Variants in ITPRID1 observed in about 807,000 individuals in gnomAD.
The protein encoded by ITPRID1 is protein ITPRID1.
Under a neutral mutation model 95.4 loss-of-function variants are expected in ITPRID1, and 96 were observed. That is an observed-to-expected ratio of 1.01 (90% confidence interval 0.85 to 1.19). The LOEUF is 1.19. Ranked by LOEUF, ITPRID1 falls within the 50% of genes most tolerant of loss-of-function variation. ITPRID1 has a pLI of 0.00. For missense variants in ITPRID1, 1,339 were observed against 1,252.9 expected (o/e 1.07, Z -1.04); for synonymous variants, 510 against 453.6 (o/e 1.12, Z -1.58).
At chr7:31,555,168 A>G (rs138177997) in intron 5 of ITPRID1, 7 of 321,708 alleles carry the variant, frequency 2.2e-5, no homozygotes, top group East Asian at 1.5e-4. Flanking sequence ...ACTGGGTTCT[A>G]TGAAGACATT....
intron 10 of ITPRID1, among the ~76,000 whole-genome samples, chr7:31,637,250 C>A (rs1233237340): frequency 2.0e-5 from 3 of 152,012 alleles, no homozygotes; most frequent in South Asian, 2.1e-4. Flanking sequence ...GGGTGTATAC[C>A]CAGTAATGGG....
chr7:31,617,860 G>T (rs1271912992), intron 10 of ITPRID1, among the ~76,000 whole-genome samples: 1 of 152,204 alleles, frequency 6.6e-6, no homozygotes, highest in Non-Finnish European at 1.5e-5. Context: ...CTATTAAGAA[G>T]AGAGTTACTT....
At position 31,643,669 on chromosome 7, in the gene ITPRID1, C is replaced by G. The variant is rs1790219137; in HGVS notation, c.2299C>G (p.Leu767Val). 1 of 1,613,930 alleles carries G rather than the reference C, an allele frequency of 6.2e-7. No individual in the cohort carries two copies. The highest frequency in any genetic ancestry group is 1.3e-5 in the African/African-American group (1 of 74,944). The change falls in exon 12 of 15, where the codon CTA (leucine) becomes GTA (valine). Residue 767 changes from leucine (L) to valine (V), a missense_variant. Physicochemically the swap from Leu to Val is conservative, Grantham distance 32 (BLOSUM62 1). Transcript: ENST00000615280. ...LNDASIQTSA[L>V]SNKTLTHGPQ... ...TGATGCTTCCATTCAGACTTCAGCT[C>G]TAAGCAACAAGACCTTGACACATGG...
At chr7:31,623,138 G>C (rs570453612) in intron 10 of ITPRID1, among the ~76,000 whole-genome samples, 19 of 152,216 alleles carry the variant, frequency 1.2e-4, no homozygotes, top group Non-Finnish European at 2.4e-4. Flanking sequence ...AAAGAGTCCA[G>C]GACCAGATGG....
In ITPRID1 at chr7:31,553,256, G is replaced by T. The variant is rs141026905; in HGVS notation, c.163+69G>T. ...GTGGTGAGGGATGTGGGAGCTTTTG[G>T]CCAGGGGCAGGTGATTTTGGAACAA... On this transcript the variant is annotated intron_variant, in intron 3 of 14. Transcript: ENST00000615280. The T allele has an allele frequency of 4.4e-4, 622 of 1,415,180 alleles. 1 individual carries two copies. In the African/African-American group the frequency reaches 7.8e-3, roughly 18 times the overall value. The allele number at this position is 1,415,180 out of a possible 1,614,324, so 87.7% of individuals were successfully genotyped here.
At chr7:31,586,738 T>C (rs1785629195) in intron 10 of ITPRID1, among the ~76,000 whole-genome samples, 2 of 152,096 alleles carry the variant, frequency 1.3e-5, no homozygotes, top group Admixed American at 6.5e-5. Flanking sequence ...TTCTGGATAT[T>C]AGCCCTTTGT....
chr7:31,594,819 T>C (rs1786012346), intron 10 of ITPRID1, among the ~76,000 whole-genome samples: 1 of 151,274 alleles, frequency 6.6e-6, no homozygotes, highest in Non-Finnish European at 1.5e-5. Context: ...ATCGTGCCAC[T>C]GCACTCCAGC....
In ITPRID1 at chr7:31,578,043, C is replaced by T. The variant is rs373138016; in HGVS notation, c.779C>T (p.Ala260Val). The change falls in exon 9 of 15, where the codon GCT becomes GTT. Residue 260 changes from alanine (A) to valine (V), a missense_variant. Transcript: ENST00000615280. ...AGAATGGGTAAACTCTTAAGGAGAG[C>T]TTCCAAACAGAACATCAGGCGGGAT... The part of the protein sequence containing the change: ...RRRMGKLLRR[A>V]SKQNIRRDCN... 5.0e-6 allele frequency: 8 copies of T among 1,613,738 alleles called. No homozygotes were observed. The highest frequency in any genetic ancestry group is 4.2e-6 in the Non-Finnish European group (5 of 1,179,872).
chr7:31,588,202 C>A (rs527630785), intron 10 of ITPRID1, among the ~76,000 whole-genome samples: 134 of 152,080 alleles, frequency 8.8e-4, no homozygotes, highest in African/African-American at 3.2e-3. Context: ...GAAGAGTGAC[C>A]AAAAGTGAAC....
chr7:31,526,026 C>T (rs1367890514), intron 1 of ITPRID1, among the ~76,000 whole-genome samples: 1 of 152,134 alleles, frequency 6.6e-6, no homozygotes, highest in Non-Finnish European at 1.5e-5. Flanking sequence ...TTACCTTCAG[C>T]TCTCTTCATC....
chr7:31,521,615 TTTCCCTCC>T (rs201274182), intron 1 of ITPRID1, among the ~76,000 whole-genome samples: 3,866 of 121,888 alleles, frequency 0.032, 307 homozygotes, highest in African/African-American at 0.075. Flanking sequence ...CTTTTTCTCC[TTTCCCTCC>T]TTCCTTCCTT....
At chr7:31,573,619 A>G (rs1210549066) in intron 7 of ITPRID1, among the ~76,000 whole-genome samples, 1 of 152,050 alleles carries the variant, frequency 6.6e-6, no homozygotes, top group Non-Finnish European at 1.5e-5. Context: ...AAAAACTTCA[A>G]CAAAAGAGCT....
chr7:31,654,103 G>A lies in ITPRID1; in HGVS notation c.*1274G>A, dbSNP rs1455152542. ...AAGCAAATAATTACAATCCTGAAAA[G>A]AGCCTCAGAAGACAGTGTGATAATG... On this transcript the variant is annotated 3_prime_UTR_variant, in exon 15 of 15. Coordinates refer to ENST00000615280, the MANE Select transcript of ITPRID1 (RefSeq NM_001257967.3). Among the ~76,000 whole-genome samples, 6 of 148,510 alleles carry A rather than the reference G, an allele frequency of 4.0e-5. No homozygotes were observed. The highest frequency in any genetic ancestry group is 1.5e-4 in the African/African-American group (6 of 40,340).
intron 10 of ITPRID1, among the ~76,000 whole-genome samples, chr7:31,613,679 A>C (rs1786984200): frequency 6.6e-6 from 1 of 152,180 alleles, no homozygotes; most frequent in Admixed American, 6.5e-5. Context: ...CATGATCAGC[A>C]GTTTGTTTTG....
intron 10 of ITPRID1, among the ~76,000 whole-genome samples, chr7:31,606,601 G>A (rs1786636352): frequency 6.6e-6 from 1 of 152,108 alleles, no homozygotes; most frequent in Non-Finnish European, 1.5e-5. Flanking sequence ...GACTTGATAT[G>A]GAGAAAGAAT....
chr7:31,526,736 G>GT (rs111566731), intron 1 of ITPRID1, among the ~76,000 whole-genome samples: 3 of 151,846 alleles, frequency 2.0e-5, no homozygotes, highest in South Asian at 2.1e-4. Context: ...AAGACCTGCA[G>GT]TTTTTTTTCT....
intron 10 of ITPRID1, among the ~76,000 whole-genome samples, chr7:31,625,377 G>A (rs557827608): frequency 1.3e-5 from 2 of 152,010 alleles, no homozygotes; most frequent in South Asian, 2.1e-4. Context: ...CAACCCAAAT[G>A]TCCAACAATG....
chr7:31,627,659 CAA>C (rs3078462), intron 10 of ITPRID1, among the ~76,000 whole-genome samples: 10,045 of 75,250 alleles, frequency 0.13, 291 homozygotes, highest in Middle Eastern at 0.23. Context: ...GACACTGTCT[CAA>C]AAAAAAAAAA....
At chr7:31,604,723 CGTTTAACAA>C (rs1489481447) in intron 10 of ITPRID1, among the ~76,000 whole-genome samples, 1 of 152,134 alleles carries the variant, frequency 6.6e-6, no homozygotes, top group African/African-American at 2.4e-5. Flanking sequence ...ATAAAAATTA[CGTTTAACAA>C]GTTTAACAAG....
Sources: allele counts gnomAD v4.1 joint callset (sites outside exome capture counted in the v4.1 genomes callset), GRCh38; gene constraint gnomAD v4.1.1; transcripts MANE v1.5; gene names NCBI Gene and HGNC (gene_info 2026-07-23, HGNC 2026-07-21).